Variants in FAM241A observed in about 807,000 individuals in gnomAD.
The protein encoded by FAM241A is uncharacterized protein FAM241A.
Under a neutral mutation model 12.2 loss-of-function variants are expected in FAM241A, and 7 were observed. That is an observed-to-expected ratio of 0.58 (90% CI 0.33 to 1.08). FAM241A has a LOEUF of 1.08. Ranked by LOEUF, FAM241A falls within the 50% of genes least tolerant of loss-of-function variation. The probability of loss-of-function intolerance (pLI) is 0.04; values close to 1 mark genes in which losing one functional copy is unlikely to be tolerated. For synonymous variants in FAM241A, 74 were observed against 68.2 expected (o/e 1.08, Z -0.42); for missense variants, 161 against 169.7 (o/e 0.95, Z 0.29).
intron 1 of FAM241A, among the ~76,000 whole-genome samples, chr4:112,167,141 T>A (rs1301878407): frequency 2.7e-5 from 4 of 150,652 alleles, no homozygotes; most frequent in African/African-American, 9.8e-5. Flanking sequence ...AAATAAAAAA[T>A]AAAAATACTA....
intron 1 of FAM241A, among the ~76,000 whole-genome samples, chr4:112,166,386 T>A (rs560566372): frequency 6.6e-6 from 1 of 152,228 alleles, no homozygotes; most frequent in East Asian, 1.9e-4. Flanking sequence ...TTAATGAAGA[T>A]TATATACTCA....
intron 1 of FAM241A, among the ~76,000 whole-genome samples, chr4:112,163,222 G>A (rs1467382751): frequency 6.6e-6 from 1 of 152,154 alleles, no homozygotes; most frequent in Non-Finnish European, 1.5e-5. Flanking sequence ...GAAAACCTAG[G>A]TAATACCATT....
rs992301816 is a variant in FAM241A at position 112,189,773 on chromosome 4, C to A, written c.*2835C>A. 1 of 151,656 alleles carries A rather than the reference C, an allele frequency of 6.6e-6. No individual in the cohort carries two copies. Among genetic ancestry groups the A allele is most frequent in the Admixed American group, 6.6e-5 (1 of 15,228 alleles). The allele number at this position is 151,656 out of a possible 1,614,324, so 9.4% of individuals were successfully genotyped here. ...ACATTTTTTCTGCCTTCAGTGCTGT[C>A]AAGTTGGTAGTTTGAAATTGGCCAT... On this transcript the variant is annotated 3_prime_UTR_variant, in exon 2 of 2. Transcript: ENST00000309733.
At position 112,187,782 on chromosome 4, in the gene FAM241A, T is replaced by G. The variant is rs1199220680; in HGVS notation, c.*844T>G. ...TTTTCAGTGTATTTTTTTTTAGAAA[T>G]TTATAATTTTATAGTTCTTTCATAA... is the stretch of plus-strand genomic sequence containing the variant. On this transcript the variant is annotated 3_prime_UTR_variant, in exon 2 of 2. Transcript: ENST00000309733. 6.6e-6 allele frequency: 1 copy of G among 152,466 alleles called. No individual in the cohort carries two copies. Among genetic ancestry groups the G allele is most frequent in the Non-Finnish European group, 1.5e-5 (1 of 67,968 alleles). The allele number at this position is 152,466 out of a possible 1,614,324, so 9.4% of individuals were successfully genotyped here. A position where few individuals can be genotyped will look rare whatever the true frequency, so the allele number is the denominator to read the frequency against.
At chr4:112,158,372 T>C (rs1310954118) in intron 1 of FAM241A, among the ~76,000 whole-genome samples, 6 of 152,176 alleles carry the variant, frequency 3.9e-5, no homozygotes, top group Admixed American at 1.3e-4. Context: ...CATTGTATTA[T>C]ATAAATGTTT....
At chr4:112,176,447 TA>T (rs1230820880) in intron 1 of FAM241A, among the ~76,000 whole-genome samples, 1 of 152,230 alleles carries the variant, frequency 6.6e-6, no homozygotes, top group South Asian at 2.1e-4. Context: ...AGTGGTTAAG[TA>T]ATTTGCCCAA....
rs184771142 is a variant in FAM241A, at chr4:112,149,596, T to G, written c.153+3863T>G. On this transcript the variant is annotated intron_variant, in intron 1 of 1. Coordinates refer to ENST00000309733, the MANE Select transcript of FAM241A (RefSeq NM_152400.3). ...AAACTCTTTGAAGCCTCTTGAAACA[T>G]CCTAAAGAATTTAATTCAAGAAAGG... is the stretch of plus-strand genomic sequence containing the variant. Among the ~76,000 whole-genome samples the G allele has an allele frequency of 3.6e-3, 555 of 152,266 alleles. 5 individuals carry two copies. The highest frequency in any genetic ancestry group is 0.013 in the African/African-American group (523 of 41,536).
intron 1 of FAM241A, among the ~76,000 whole-genome samples, chr4:112,158,691 ATTC>A (rs1404834242): frequency 6.6e-6 from 1 of 152,106 alleles, no homozygotes; most frequent in Non-Finnish European, 1.5e-5. Context: ...TTTTATTGTT[ATTC>A]TTATTTTTTC....
At chr4:112,179,916 T>C (rs12511493) in intron 1 of FAM241A, among the ~76,000 whole-genome samples, 1,608 of 15,562 alleles carry the variant, frequency 0.1, 64 homozygotes, top group Admixed American at 0.23. Context: ...GAAAATGTGA[T>C]ATATATATAT....
At position 112,169,169 on chromosome 4, in the gene FAM241A, T is replaced by G. The variant is rs114371813; in HGVS notation, c.154-17524T>G. 2.0e-3 allele frequency among the ~76,000 whole-genome samples: 302 copies of G among 152,354 alleles called. 2 individuals carry two copies. The highest frequency in any genetic ancestry group is 6.8e-3 in the African/African-American group (284 of 41,580). On this transcript the variant is annotated intron_variant, in intron 1 of 1. Coordinates refer to ENST00000309733, the MANE Select transcript of FAM241A (RefSeq NM_152400.3). ...TGTTGATAATTCTTTCAACAGATGC[T>G]GGCCAAACTACCAGAAGAGCGGCAT...
At chr4:112,150,716 A>T (rs1441048351) in intron 1 of FAM241A, among the ~76,000 whole-genome samples, 52 of 152,226 alleles carry the variant, frequency 3.4e-4, no homozygotes, top group Non-Finnish European at 7.3e-5. Context: ...CAGATTCTAG[A>T]TCAGGGTTAC....
intron 1 of FAM241A, among the ~76,000 whole-genome samples, chr4:112,168,536 A>AT (rs1189066833): frequency 6.6e-6 from 1 of 152,228 alleles, no homozygotes; most frequent in Non-Finnish European, 1.5e-5. Context: ...TTTTTGAAAA[A>AT]TTGTTAGATT....
chr4:112,184,062 C>A (rs544745733), intron 1 of FAM241A, among the ~76,000 whole-genome samples: 2 of 152,020 alleles, frequency 1.3e-5, no homozygotes, highest in Non-Finnish European at 2.9e-5. Flanking sequence ...TCACATAAAT[C>A]ATTTTATGGA....
At chr4:112,170,956 T>C (rs978336718) in intron 1 of FAM241A, among the ~76,000 whole-genome samples, 3 of 152,114 alleles carry the variant, frequency 2.0e-5, no homozygotes, top group African/African-American at 7.2e-5. Flanking sequence ...TCTATAGTTT[T>C]TCTTTTCTTC....
chr4:112,163,208 A>G (rs1027459577), intron 1 of FAM241A, among the ~76,000 whole-genome samples: 1 of 152,374 alleles, frequency 6.6e-6, no homozygotes, highest in Admixed American at 6.5e-5. Context: ...TAAAAACCCT[A>G]GAAGAAAACC....
At chr4:112,168,726 G>A (rs1349517169) in intron 1 of FAM241A, among the ~76,000 whole-genome samples, 4 of 152,070 alleles carry the variant, frequency 2.6e-5, no homozygotes, top group South Asian at 2.1e-4. Flanking sequence ...GTGCAATGGC[G>A]CGATCTCAGC....
At chr4:112,158,096 A>G (rs1298547708) in intron 1 of FAM241A, among the ~76,000 whole-genome samples, 1 of 152,076 alleles carries the variant, frequency 6.6e-6, no homozygotes, top group Non-Finnish European at 1.5e-5. Context: ...TTTGTCCTTC[A>G]TTATTTATTT....
chr4:112,168,244 ACTTTT>A (rs1189992014), intron 1 of FAM241A, among the ~76,000 whole-genome samples: 6 of 152,318 alleles, frequency 3.9e-5, no homozygotes, highest in South Asian at 4.1e-4. Context: ...AGATTCACAC[ACTTTT>A]CTTTATCTAC....
At chr4:112,155,439 A>G (rs1287938998) in intron 1 of FAM241A, among the ~76,000 whole-genome samples, 4 of 151,988 alleles carry the variant, frequency 2.6e-5, no homozygotes, top group Admixed American at 6.5e-5. Flanking sequence ...TATTGGGTCT[A>G]TGTAGTTTAG....
Sources: allele counts gnomAD v4.1 joint callset (sites outside exome capture counted in the v4.1 genomes callset), GRCh38; gene constraint gnomAD v4.1.1; transcripts MANE v1.5; gene names NCBI Gene and HGNC (gene_info 2026-07-23, HGNC 2026-07-21).